ANKRD46: variants seen among roughly 807,000 people sequenced by gnomAD.
ANKRD46 encodes ankyrin repeat domain 46.
ANKRD46 carries 13 observed loss-of-function variants against 19.8 expected under a neutral mutation model. That is an observed-to-expected ratio of 0.66 (90% confidence interval 0.43 to 1.04). ANKRD46 has a LOEUF of 1.04. Among genes scored for constraint, ANKRD46 ranks in the 50% least tolerant of loss-of-function variants. The pLI, the probability that ANKRD46 is intolerant of heterozygous loss-of-function variation, is 0.00. For synonymous variants in ANKRD46, 91 were observed against 106.9 expected (o/e 0.85, Z 0.92); for missense variants, 185 against 274.8 (o/e 0.67, Z 2.31).
rs1375831344 is a variant in ANKRD46 at position 100,537,805 on chromosome 8, C to T, written c.-130-4494G>A. Among the ~76,000 whole-genome samples the T allele has an allele frequency of 1.3e-5, 2 of 152,196 alleles. No individual in the cohort carries two copies. The highest frequency in any genetic ancestry group is 4.1e-4 in the South Asian group (2 of 4,832). ...TCTTCAGCAGCTATTTAAACAGCAA[C>T]TCTTTCTCTAATAGAGTGATCTTAA... is the stretch of plus-strand genomic sequence containing the variant. On this transcript the variant is annotated intron_variant, in intron 1 of 4. Coordinates refer to ENST00000335659, the MANE Select transcript of ANKRD46 (RefSeq NM_001270377.2). The surrounding 1 kb of genome is among the most constrained non-coding windows in gnomAD (Gnocchi z 4.2).
downstream of ANKRD46, among the ~76,000 whole-genome samples, chr8:100,519,768 C>A (rs774190991): frequency 6.6e-6 from 1 of 152,132 alleles, no homozygotes; most frequent in Non-Finnish European, 1.5e-5. Flanking sequence ...CTCCACACTG[C>A]CAGCCTGTAT....
Position 100,510,372 on chromosome 8 carries a change from G to C in ANKRD46, c.*205C>G. 2.3e-6 allele frequency: 1 copy of C among 431,170 alleles called. No homozygotes were observed. The highest frequency in any genetic ancestry group is 3.4e-5 in the East Asian group (1 of 29,526). 26.7% of individuals were successfully genotyped at this position (431,170 alleles called of 1,614,324 possible). ...GATCTGGGAGGCCAGGAAGACAGCA[G>C]GTGCCCGGGCTGCCTGCAGGGCAGG... is the stretch of plus-strand genomic sequence containing the variant. On this transcript the variant is annotated 3_prime_UTR_variant, in exon 6 of 6. Transcript: ENST00000520552. This position sits in a 1 kb window ranked among gnomAD's most constrained non-coding sequence, Gnocchi z 4.9.
intron 2 of ANKRD46, 118 bp downstream of exon 2, chr8:100,533,091 C>T (rs955050776): frequency 6.6e-6 from 1 of 152,324 alleles, no homozygotes; most frequent in African/African-American, 2.4e-5. Flanking sequence ...CTTAATCCCA[C>T]ATTTAATAAG....
rs544445068 is a variant in ANKRD46 at position 100,524,111 on chromosome 8, G to A, written c.471-1340C>T. On this transcript the variant is annotated intron_variant, in intron 4 of 4. Transcript: ENST00000335659. The surrounding 1 kb of genome is among the most constrained non-coding windows in gnomAD (Gnocchi z 4.3). Reference sequence around the variant, plus strand: ...TTCTGGTTTTCAGAACTTTATCAATGAGAAATACGACTACCACAAAGAGAA... The same window carrying A: ...TTCTGGTTTTCAGAACTTTATCAATAAGAAATACGACTACCACAAAGAGAA... Among the ~76,000 whole-genome samples the A allele has an allele frequency of 1.3e-5, 2 of 152,240 alleles. No homozygotes were observed. Among genetic ancestry groups the A allele is most frequent in the African/African-American group, 4.8e-5 (2 of 41,532 alleles).
Position 100,545,492 on chromosome 8 carries a change from G to A in ANKRD46, c.-130-12181C>T, listed in dbSNP as rs187876538. On this transcript the variant is annotated intron_variant, in intron 1 of 4. Transcript: ENST00000335659. This position sits in a 1 kb window ranked among gnomAD's most constrained non-coding sequence, Gnocchi z 4.7. The stretch of plus-strand genomic sequence containing the variant: ...CCATAACCTTCCACCATGATTCTAA[G>A]TTCCTTGAAGCCTCCCCAGCCATGT... 2.6e-5 allele frequency among the ~76,000 whole-genome samples: 4 copies of A among 152,244 alleles called. No individual in the cohort carries two copies. The East Asian group carries it at 7.7e-4, about 29-fold the overall frequency.
chr8:100,522,356 G>A lies in ANKRD46; in HGVS notation c.*199C>T. 7.2e-7 allele frequency: 1 copy of A among 1,397,674 alleles called. No individual in the cohort carries two copies. Among genetic ancestry groups the A allele is most frequent in the Non-Finnish European group, 9.3e-7 (1 of 1,077,662 alleles). The allele number at this position is 1,397,674 out of a possible 1,614,324, so 86.6% of individuals were successfully genotyped here. On this transcript the variant is annotated 3_prime_UTR_variant, in exon 5 of 5. Transcript: ENST00000335659. ...TCAGGTTGAGTCAGAGGTAGCGTTA[G>A]GATGCAATATACTTGATCATAGTAT...
rs955005522 is a variant in ANKRD46, at chr8:100,545,423, C to T, written c.-130-12112G>A. On this transcript the variant is annotated intron_variant, in intron 1 of 4. Coordinates refer to ENST00000335659, the MANE Select transcript of ANKRD46 (RefSeq NM_001270377.2). The surrounding 1 kb of genome is among the most constrained non-coding windows in gnomAD (Gnocchi z 4.7). ...ACGGTTTTAAAATTGGTCGTTTCCC[C>T]TACACATTCTCTCTTGCCGCCATGT... 2.6e-5 allele frequency among the ~76,000 whole-genome samples: 4 copies of T among 152,280 alleles called. No individual in the cohort carries two copies. The highest frequency in any genetic ancestry group is 9.6e-5 in the African/African-American group (4 of 41,562).
At chr8:100,518,502 G>A (rs1811669183), downstream of ANKRD46, among the ~76,000 whole-genome samples, 1 of 152,060 alleles carries the variant, frequency 6.6e-6, no homozygotes, top group African/African-American at 2.4e-5. Flanking sequence ...AAATGAAGTC[G>A]AATCTTCCCT....
downstream of ANKRD46, among the ~76,000 whole-genome samples, chr8:100,517,712 A>G (rs150157398): frequency 9.8e-4 from 150 of 152,362 alleles, no homozygotes; most frequent in Middle Eastern, 0.014. Flanking sequence ...TACTTGGAGC[A>G]CAAAGGAATT....
At position 100,544,296 on chromosome 8, in the gene ANKRD46, C is replaced by T. The variant is rs181437333; in HGVS notation, c.-130-10985G>A. ...AAATACCTTACTCATCCATGGGACCCGGACATAAAGAAGCAAGGACAAAGA... is the reference window on the plus strand; with the variant it reads ...AAATACCTTACTCATCCATGGGACCTGGACATAAAGAAGCAAGGACAAAGA... On this transcript the variant is annotated intron_variant, in intron 1 of 4. Transcript: ENST00000335659. The surrounding 1 kb of genome is among the most constrained non-coding windows in gnomAD (Gnocchi z 4.4). 1.9e-4 allele frequency among the ~76,000 whole-genome samples: 29 copies of T among 152,160 alleles called. No individual in the cohort carries two copies. Among genetic ancestry groups the T allele is most frequent in the African/African-American group, 6.5e-4 (27 of 41,498 alleles).
chr8:100,520,864 T>A lies in ANKRD46; in HGVS notation c.*1691A>T, dbSNP rs534590983. 2.0e-6 allele frequency: 2 copies of A among 984,542 alleles called. No individual in the cohort carries two copies. Among genetic ancestry groups the A allele is most frequent in the African/African-American group, 3.5e-5 (2 of 57,150 alleles). 61.0% of individuals were successfully genotyped at this position (984,542 alleles called of 1,614,324 possible). A position where few individuals can be genotyped will look rare whatever the true frequency, so the allele number is the denominator to read the frequency against. On this transcript the variant is annotated 3_prime_UTR_variant, in exon 5 of 5. Transcript: ENST00000335659. ...AGAAATCAGCACATAAAAGGAACCA[T>A]TAATCTTTAAAAATGCTATATACTT...
At position 100,510,540 on chromosome 8, in the gene ANKRD46, TTC is replaced by T. The variant is rs1385824086; in HGVS notation, c.*35_*36del. On this transcript the variant is annotated 3_prime_UTR_variant, in exon 6 of 6. Transcript: ENST00000520552. The surrounding 1 kb of genome is among the most constrained non-coding windows in gnomAD (Gnocchi z 4.9). The stretch of plus-strand genomic sequence containing the variant: ...ACGTCTGTATCCCTTCTTTCTTGCC[TTC>T]TGAGGCTCAGGAGCACAGGACACTG... 6.6e-7 allele frequency: 1 copy of T among 1,525,272 alleles called. No homozygotes were observed. The highest frequency in any genetic ancestry group is 1.2e-5 in the South Asian group (1 of 83,078). The allele number at this position is 1,525,272 out of a possible 1,614,324, so 94.5% of individuals were successfully genotyped here.
rs1811548148 is a variant in ANKRD46, at chr8:100,511,521, CAGA to C, written c.637-885_637-883del. Among the ~76,000 whole-genome samples, 5 of 151,998 alleles carry C rather than the reference CAGA, an allele frequency of 3.3e-5. No homozygotes were observed. In the South Asian group the frequency reaches 1.0e-3, roughly 32 times the overall value. ...TCCTTTCACATCTATTCTTGTAACT[CAGA>C]AGCACTGTGTTTCTCATTACTACTT... is the stretch of plus-strand genomic sequence containing the variant. On this transcript the variant is annotated intron_variant, in intron 5 of 5. Coordinates refer to the ANKRD46 transcript ENST00000520552. This position sits in a 1 kb window ranked among gnomAD's most constrained non-coding sequence, Gnocchi z 4.1.
chr8:100,522,455 G>T lies in ANKRD46; in HGVS notation c.*100C>A. The T allele has an allele frequency of 6.6e-7, 1 of 1,518,432 alleles. No individual in the cohort carries two copies. Among genetic ancestry groups the T allele is most frequent in the Non-Finnish European group, 8.8e-7 (1 of 1,135,692 alleles). The allele number at this position is 1,518,432 out of a possible 1,614,324, so 94.1% of individuals were successfully genotyped here. On this transcript the variant is annotated 3_prime_UTR_variant, in exon 5 of 5. Transcript: ENST00000335659. The stretch of plus-strand genomic sequence containing the variant: ...TAAAAATGCAAAAAGAACATGTACT[G>T]CCCTCACTGCTTTGCGCTAAGAAAA...
chr8:100,551,338 C>A, intron 1 of ANKRD46: 1 of 565,812 alleles, frequency 1.8e-6, no homozygotes, highest in South Asian at 1.6e-5. Context: ...ATGGGGGCAT[C>A]AGCAGAGGGG....
chr8:100,513,130 T>C (rs1220569428), intron 5 of ANKRD46, among the ~76,000 whole-genome samples: 2 of 152,170 alleles, frequency 1.3e-5, no homozygotes, highest in Admixed American at 6.5e-5. Context: ...TGTAGATGAG[T>C]TGACCATAAG....
At chr8:100,538,334 C>T (rs934805350) in intron 1 of ANKRD46, among the ~76,000 whole-genome samples, 4 of 152,124 alleles carry the variant, frequency 2.6e-5, no homozygotes, top group Admixed American at 6.5e-5. Flanking sequence ...AAAAAAATTG[C>T]ATCTATACTG....
downstream of ANKRD46, among the ~76,000 whole-genome samples, chr8:100,516,770 G>T (rs1451261144): frequency 6.6e-6 from 1 of 152,206 alleles, no homozygotes; most frequent in African/African-American, 2.4e-5. Context: ...CAGAAATACA[G>T]TTGTGCGTGT....
rs116408125 is a variant in ANKRD46 at position 100,543,998 on chromosome 8, C to T, written c.-130-10687G>A. Reference sequence around the variant, plus strand: ...ACCCAAGAGTTCTTAATGTCAAAGACCTTTATGTCCACATCACTTCCATCA... The same window carrying T: ...ACCCAAGAGTTCTTAATGTCAAAGATCTTTATGTCCACATCACTTCCATCA... On this transcript the variant is annotated intron_variant, in intron 1 of 4. Coordinates refer to ENST00000335659, the MANE Select transcript of ANKRD46 (RefSeq NM_001270377.2). This position sits in a 1 kb window ranked among gnomAD's most constrained non-coding sequence, Gnocchi z 4.2. Among the ~76,000 whole-genome samples, 1,442 of 152,164 alleles carry T rather than the reference C, an allele frequency of 9.5e-3. 25 individuals carry two copies. Among genetic ancestry groups the T allele is most frequent in the African/African-American group, 0.033 (1,366 of 41,510 alleles).
Sources: gnomAD v4.1 joint callset for allele counts (sites outside exome capture counted in the v4.1 genomes callset) on GRCh38, gnomAD v4.1.1 for gene constraint, Gnocchi (gnomAD v3.1) non-coding constraint, MANE v1.5 for transcripts, NCBI Gene and HGNC (gene_info 2026-07-23, HGNC 2026-07-21) for gene names.